Variants in TMEM117 observed in about 807,000 individuals in gnomAD.
The protein encoded by TMEM117 is transmembrane protein 117.
TMEM117 carries 27 observed loss-of-function variants against 52.4 expected under a neutral mutation model. The ratio of observed to expected loss-of-function variants is 0.51; its 90% CI spans 0.38 to 0.71. TMEM117 has a LOEUF of 0.71. TMEM117 is among the 30% of genes least tolerant of loss of function. The probability of loss-of-function intolerance (pLI) is 0.00; values close to 1 mark genes in which losing one functional copy is unlikely to be tolerated. For synonymous variants in TMEM117, 215 were observed against 206.3 expected (o/e 1.04, Z -0.36); for missense variants, 556 against 630.5 (o/e 0.88, Z 1.26).
intron 3 of TMEM117, among the ~76,000 whole-genome samples, chr12:44,022,431 C>T (rs1345513503): frequency 5.3e-5 from 8 of 152,074 alleles, no homozygotes; most frequent in Non-Finnish European, 2.9e-5. Context: ...TTGTTTTAAC[C>T]GTCAAATGAG....
chr12:43,946,804 C>T (rs980292488), intron 3 of TMEM117, among the ~76,000 whole-genome samples: 1 of 152,162 alleles, frequency 6.6e-6, no homozygotes, highest in Non-Finnish European at 1.5e-5. Flanking sequence ...AGGAGATATG[C>T]TTAGGAAATA....
chr12:43,892,037 G>A (rs185545669), intron 2 of TMEM117, among the ~76,000 whole-genome samples: 1 of 152,124 alleles, frequency 6.6e-6, no homozygotes, highest in East Asian at 1.9e-4. Flanking sequence ...TACCTTATAA[G>A]CTGCTGTCAA....
At chr12:44,173,287 G>A (rs1430217930) in intron 4 of TMEM117, among the ~76,000 whole-genome samples, 1 of 152,134 alleles carries the variant, frequency 6.6e-6, no homozygotes, top group Non-Finnish European at 1.5e-5. Flanking sequence ...ATGTTTCCCA[G>A]GGTGGTCTCA....
chr12:43,833,710 G>A (rs1942995475), upstream of TMEM117, among the ~76,000 whole-genome samples: 1 of 151,996 alleles, frequency 6.6e-6, no homozygotes, highest in East Asian at 1.9e-4. Flanking sequence ...GATTGCTTGA[G>A]CCCAGGAGTT....
Position 43,980,830 on chromosome 12 carries a change from G to A in TMEM117, c.410+36488G>A, listed in dbSNP as rs555122535. ...AAGAGAGTTAGCAGCCCCCGAAGCCGGCGATGCTCACATTTATTTAGTACA... is the reference window on the plus strand; with the variant it reads ...AAGAGAGTTAGCAGCCCCCGAAGCCAGCGATGCTCACATTTATTTAGTACA... On this transcript the variant is annotated intron_variant, in intron 3 of 7. Coordinates refer to ENST00000266534, the MANE Select transcript of TMEM117 (RefSeq NM_032256.3). Among the ~76,000 whole-genome samples, 6 of 152,284 alleles carry A rather than the reference G, an allele frequency of 3.9e-5. No individual in the cohort carries two copies. In the South Asian group the frequency reaches 8.3e-4, roughly 21 times the overall value.
intron 3 of TMEM117, among the ~76,000 whole-genome samples, chr12:44,011,684 G>A (rs1397442525): frequency 7.8e-6 from 1 of 127,724 alleles, no homozygotes; most frequent in Non-Finnish European, 1.6e-5. Context: ...ACATATGTAT[G>A]ACCAAGTTTA....
intron 3 of TMEM117, among the ~76,000 whole-genome samples, chr12:44,095,966 C>A (rs1237615268): frequency 6.6e-6 from 1 of 152,128 alleles, no homozygotes; most frequent in Non-Finnish European, 1.5e-5. Flanking sequence ...ATCTAGAAAA[C>A]CCCATTGTCT....
intron 4 of TMEM117, among the ~76,000 whole-genome samples, chr12:44,151,720 A>C (rs561329490): frequency 1.0e-4 from 15 of 149,832 alleles, no homozygotes; most frequent in Non-Finnish European, 2.1e-4. Context: ...AAAAGAAGCT[A>C]TGTGCTTTTT....
chr12:44,311,447 C>T (rs1950973760), intron 6 of TMEM117, among the ~76,000 whole-genome samples: 1 of 151,810 alleles, frequency 6.6e-6, no homozygotes, highest in East Asian at 1.9e-4. Flanking sequence ...AGGGTGAATG[C>T]CAAGAAAGAT....
intron 6 of TMEM117, among the ~76,000 whole-genome samples, chr12:44,354,344 AG>A (rs1459914027): frequency 6.6e-6 from 1 of 152,024 alleles, no homozygotes; most frequent in Non-Finnish European, 1.5e-5. Flanking sequence ...CTGATACCAA[AG>A]CCTGGCAGAA....
At chr12:43,897,409 T>C (rs1944224315) in intron 2 of TMEM117, among the ~76,000 whole-genome samples, 1 of 151,690 alleles carries the variant, frequency 6.6e-6, no homozygotes, top group Admixed American at 6.6e-5. Flanking sequence ...CCTCCTGGGT[T>C]CAAGTGATTC....
chr12:44,114,408 A>C (rs958695242), intron 3 of TMEM117, among the ~76,000 whole-genome samples: 2 of 152,258 alleles, frequency 1.3e-5, no homozygotes, highest in East Asian at 3.9e-4. Flanking sequence ...TCACCTCTGC[A>C]TTTAGGACTG....
At chr12:43,897,817 G>A (rs1944233008) in intron 2 of TMEM117, among the ~76,000 whole-genome samples, 1 of 151,836 alleles carries the variant, frequency 6.6e-6, no homozygotes, top group African/African-American at 2.4e-5. Flanking sequence ...CACCATGTTG[G>A]CCAGGCTGGT....
intron 5 of TMEM117, among the ~76,000 whole-genome samples, chr12:44,236,071 T>C (rs903661849): frequency 6.6e-6 from 1 of 151,926 alleles, no homozygotes; most frequent in Admixed American, 6.6e-5. Flanking sequence ...TAGATGTGAA[T>C]TTTCTGAAAA....
intron 3 of TMEM117, among the ~76,000 whole-genome samples, chr12:44,117,557 G>T (rs1342203898): frequency 2.6e-5 from 4 of 152,030 alleles, no homozygotes; most frequent in Non-Finnish European, 5.9e-5. Context: ...CACTGCATTG[G>T]CTCATGGTGA....
chr12:43,805,394 CAT>C, the TMEM117 span: 1 of 358,310 alleles, frequency 2.8e-6, no homozygotes, highest in Non-Finnish European at 5.6e-6. Context: ...ACGAATAAAA[CAT>C]ACAATTAAGT....
At chr12:43,824,296 AT>A in the TMEM117 span, among the ~76,000 whole-genome samples, 1 of 152,228 alleles carries the variant, frequency 6.6e-6, no homozygotes, top group Non-Finnish European at 1.5e-5. Flanking sequence ...ACTTGCCAGG[AT>A]TCATTCTGGG....
the TMEM117 span, among the ~76,000 whole-genome samples, chr12:43,826,914 C>T: frequency 6.6e-6 from 1 of 152,074 alleles, no homozygotes; most frequent in African/African-American, 2.4e-5. Flanking sequence ...AGGAATACAT[C>T]ACAGATGCGT....
At chr12:44,356,996 T>TCA (rs974805672) in intron 6 of TMEM117, among the ~76,000 whole-genome samples, 5 of 152,126 alleles carry the variant, frequency 3.3e-5, no homozygotes, top group Non-Finnish European at 7.4e-5. Context: ...ATAAAACCCT[T>TCA]CACACACTGG....
Sources: allele counts gnomAD v4.1 joint callset (sites outside exome capture counted in the v4.1 genomes callset), GRCh38; gene constraint gnomAD v4.1.1; transcripts MANE v1.5; gene names NCBI Gene and HGNC (gene_info 2026-07-23, HGNC 2026-07-21).